The following ORC6 variants were observed in gnomAD, a reference collection of about 807,000 sequenced individuals.
ORC6 encodes the protein origin recognition complex, subunit 6 homolog-like (yeast).
ORC6 carries 31 observed loss-of-function variants against 30.0 expected under a neutral mutation model. That is an observed-to-expected ratio of 1.03 (90% CI 0.78 to 1.40). The LOEUF (loss-of-function observed/expected upper bound fraction) is 1.40. Ranked by LOEUF, ORC6 falls within the 40% of genes most tolerant of loss-of-function variation. The probability of loss-of-function intolerance (pLI) is 0.00; values close to 1 mark genes in which losing one functional copy is unlikely to be tolerated. For missense variants in ORC6, 340 were observed against 304.3 expected, an observed-to-expected ratio of 1.12 and a Z score of -0.87; for synonymous variants, 136 against 111.2, an observed-to-expected ratio of 1.22 and a Z score of -1.40.
Position 46,689,715 on chromosome 16 carries a change from G to C in ORC6, c.10G>C (p.Glu4Gln). 1.9e-6 allele frequency: 3 copies of C among 1,601,848 alleles called. No individual in the cohort carries two copies. The highest frequency in any genetic ancestry group is 2.6e-6 in the Non-Finnish European group (3 of 1,174,396). ...CTTTAGTGCCGGCGCCATGGGGTCGGAGCTGATCGGGCGCCTAGCCCCGCG... is the reference window on the plus strand; with the variant it reads ...CTTTAGTGCCGGCGCCATGGGGTCGCAGCTGATCGGGCGCCTAGCCCCGCG... MGS[E>Q]LIGRLAPRLG... The change falls in exon 1 of 7, where the codon GAG (glutamate) becomes CAG (glutamine). Residue 4 changes from glutamate to glutamine, a missense_variant. Coordinates refer to ENST00000219097, the MANE Select transcript of ORC6 (RefSeq NM_014321.4).
At chr16:46,693,362 T>C (rs1966471729) in intron 4 of ORC6, 180 bp downstream of exon 4, 4 of 614,304 alleles carry the variant, frequency 6.5e-6, no homozygotes, top group Non-Finnish European at 8.7e-6. Context: ...GCTAACAACT[T>C]GGAACTAGTG....
chr16:46,694,615 C>T (rs1368379989), intron 4 of ORC6: 1 of 28,264 alleles, frequency 3.5e-5, no homozygotes, highest in Non-Finnish European at 7.9e-5. Context: ...TAGGGGCGGC[C>T]GGGGCGGCTG....
chr16:46,697,354 T>G, intron 6 of ORC6, 104 bp from the exon 7 acceptor site: 1 of 1,072,820 alleles, frequency 9.3e-7, no homozygotes, highest in Non-Finnish European at 1.4e-6. Flanking sequence ...TCCATGTCAT[T>G]TCAGTATCTT....
intron 2 of ORC6, among the ~76,000 whole-genome samples, chr16:46,691,347 G>A (rs567524582): frequency 9.9e-5 from 15 of 152,136 alleles, no homozygotes; most frequent in Non-Finnish European, 2.2e-4. Flanking sequence ...CTCGGCTAGA[G>A]GCCATCTTCC....
At chr16:46,691,617 A>T (rs1966437941) in intron 2 of ORC6, among the ~76,000 whole-genome samples, 1 of 152,190 alleles carries the variant, frequency 6.6e-6, no homozygotes, top group African/African-American at 2.4e-5. Flanking sequence ...CCTGTGTCAT[A>T]ACGATACACT....
At chr16:46,697,205 G>C (rs1218470200) in intron 6 of ORC6, among the ~76,000 whole-genome samples, 1 of 152,136 alleles carries the variant, frequency 6.6e-6, no homozygotes, top group Non-Finnish European at 1.5e-5. Flanking sequence ...AGGTGTGATA[G>C]TGTGAGCCTA....
chr16:46,696,201 A>G lies in ORC6; in HGVS notation c.631+116A>G, dbSNP rs556248604. On this transcript the variant is annotated intron_variant, in intron 6 of 6. Transcript: ENST00000219097. ...TTTAAGTACATTCTGACTGTGAATC[A>G]TTTGATAAGACCAGTTTTCCAAGCA... 7.9e-5 allele frequency: 59 copies of G among 745,040 alleles called. 1 individual carries two copies. In the East Asian group the frequency reaches 1.4e-3, roughly 18 times the overall value. 46.2% of individuals were successfully genotyped at this position (745,040 alleles called of 1,614,324 possible). A position where few individuals can be genotyped will look rare whatever the true frequency, so the allele number is the denominator to read the frequency against.
Position 46,697,705 on chromosome 16 carries a change from TTAAA to T in ORC6, c.*123_*126del, listed in dbSNP as rs950139245. ...AATAAGGATCCTAAGACTGTTGCCTTTAAATAGCAAAGCAGCCTACCTGGAGGCT... is the reference window on the plus strand; with the variant it reads ...AATAAGGATCCTAAGACTGTTGCCTTTAGCAAAGCAGCCTACCTGGAGGCT... On this transcript the variant is annotated 3_prime_UTR_variant, in exon 7 of 7. Coordinates refer to ENST00000219097, the MANE Select transcript of ORC6 (RefSeq NM_014321.4). The T allele has an allele frequency of 8.7e-7, 1 of 1,148,520 alleles. No homozygotes were observed. The highest frequency in any genetic ancestry group is 1.5e-5 in the African/African-American group (1 of 65,242). 71.1% of individuals were successfully genotyped at this position (1,148,520 alleles called of 1,614,324 possible). A position where few individuals can be genotyped will look rare whatever the true frequency, so the allele number is the denominator to read the frequency against.
rs556608071 is a variant in ORC6, at chr16:46,691,064, A to G, written c.139A>G (p.Ser47Gly). ...CTCCGCACGCACCACGGAGACCAGC[A>G]GTGCAGTCATGTGCCTGGACCTTGC... ...GLSARTTETS[S>G]AVMCLDLAAS... Residue 47 changes from serine to glycine, a missense_variant, in exon 2 of 7, where the codon AGT becomes GGT. Coordinates refer to ENST00000219097, the MANE Select transcript of ORC6 (RefSeq NM_014321.4). 22 of 1,614,072 alleles carry G rather than the reference A, an allele frequency of 1.4e-5. No homozygotes were observed. Among genetic ancestry groups the G allele is most frequent in the South Asian group, 5.5e-5 (5 of 91,082 alleles).
chr16:46,692,541 A>G lies in ORC6; in HGVS notation c.355A>G (p.Lys119Glu). The part of the protein sequence containing the change: ...EAVNMASKIL[K>E]SYESSLPQTQ... Reference sequence around the variant, plus strand: ...AGTGAACATGGCTTCAAAGATACTAAAAAGGTATGGGGCATAGAGAACCTT... The same window carrying G: ...AGTGAACATGGCTTCAAAGATACTAGAAAGGTATGGGGCATAGAGAACCTT... Residue 119 changes from lysine (K) to glutamate (E), a missense_variant, in exon 3 of 7, where the codon AAA (lysine) becomes GAA (glutamate). Physicochemically the swap from Lys to Glu is moderately conservative, Grantham distance 56. Coordinates refer to ENST00000219097, the MANE Select transcript of ORC6 (RefSeq NM_014321.4). The G allele has an allele frequency of 6.2e-7, 1 of 1,613,014 alleles. No individual in the cohort carries two copies. Among genetic ancestry groups the G allele is most frequent in the Non-Finnish European group, 8.5e-7 (1 of 1,179,116 alleles).
chr16:46,693,185 A>T lies in ORC6; in HGVS notation c.449+3A>T. 6.3e-7 allele frequency: 1 copy of T among 1,596,438 alleles called. No homozygotes were observed. The highest frequency in any genetic ancestry group is 8.6e-7 in the Non-Finnish European group (1 of 1,164,018). ...GCTGCACTGCTTTCAGCATGCAAGT[A>T]GGTATTTCATTAAACATTCAGAAAA... On this transcript the variant is annotated splice_donor_region_variant and intron_variant, in intron 4 of 6. Coordinates refer to ENST00000219097, the MANE Select transcript of ORC6 (RefSeq NM_014321.4).
intron 1 of ORC6, 38 bp downstream of exon 1, chr16:46,689,808 C>T (rs764019478): frequency 9.0e-6 from 14 of 1,553,224 alleles, no homozygotes; most frequent in Non-Finnish European, 1.2e-5. Flanking sequence ...TGGGCTTCCG[C>T]CTCGCGGCCC....
rs760343162 is a variant in ORC6 at position 46,689,723 on chromosome 16, C to T, written c.18C>T (p.Ile6=). The T allele has an allele frequency of 8.1e-6, 13 of 1,602,102 alleles. No individual in the cohort carries two copies. The highest frequency in any genetic ancestry group is 1.7e-5 in the Admixed American group (1 of 58,714). ...CCGGCGCCATGGGGTCGGAGCTGATCGGGCGCCTAGCCCCGCGCCTGGGCC... is the reference window on the plus strand; with the variant it reads ...CCGGCGCCATGGGGTCGGAGCTGATTGGGCGCCTAGCCCCGCGCCTGGGCC... MGSEL[I]GRLAPRLGLA... is the part of the protein sequence containing the mutation. Residue 6 remains isoleucine, a synonymous_variant, in exon 1 of 7, where the codon ATC becomes ATT. Coordinates refer to ENST00000219097, the MANE Select transcript of ORC6 (RefSeq NM_014321.4).
rs1459109672 is a variant in ORC6, at chr16:46,689,886, G to T, written c.65+116G>T. 4.2e-6 allele frequency: 6 copies of T among 1,423,222 alleles called. No individual in the cohort carries two copies. The East Asian group carries it at 1.6e-4, about 37-fold the overall frequency. The allele number at this position is 1,423,222 out of a possible 1,614,324, so 88.2% of individuals were successfully genotyped here. On this transcript the variant is annotated intron_variant, in intron 1 of 6. Coordinates refer to ENST00000219097, the MANE Select transcript of ORC6 (RefSeq NM_014321.4). ...GGCGGGGGAGTGACGGGGAGCGCTG[G>T]GGCCGGGCGGGGTTTAGGGCCTACT...
chr16:46,697,841 G>A lies in ORC6; in HGVS notation c.*256G>A, dbSNP rs933482687. 16 of 547,812 alleles carry A rather than the reference G, an allele frequency of 2.9e-5. No homozygotes were observed. The highest frequency in any genetic ancestry group is 1.7e-4 in the East Asian group (4 of 22,892). 33.9% of individuals were successfully genotyped at this position (547,812 alleles called of 1,614,324 possible). On this transcript the variant is annotated 3_prime_UTR_variant, in exon 7 of 7. Coordinates refer to ENST00000219097, the MANE Select transcript of ORC6 (RefSeq NM_014321.4). ...TACAAAATGGAATTGGAGGCCGGGC[G>A]CAGTGGCTCACGCCTGTAATCCCAG...
intron 1 of ORC6, 150 bp from the exon 2 acceptor site, chr16:46,690,841 C>T: frequency 1.3e-6 from 1 of 764,352 alleles, no homozygotes; most frequent in African/African-American, 1.7e-5. Flanking sequence ...TTCCTCTCAC[C>T]AGAGGATATG....
At chr16:46,696,134 A>T (rs771612541) in intron 6 of ORC6, 49 bp downstream of exon 6, 2 of 1,285,186 alleles carry the variant, frequency 1.6e-6, no homozygotes, top group African/African-American at 2.9e-5. Context: ...TGCAGTGAAC[A>T]GCCCAGTGCT....
At chr16:46,689,840 C>T (rs1426324675) in intron 1 of ORC6, 70 bp downstream of exon 1, 2 of 1,485,860 alleles carry the variant, frequency 1.3e-6, no homozygotes, top group African/African-American at 1.4e-5. Flanking sequence ...GTGAGGCCCG[C>T]GCCCTTCCCA....
At chr16:46,693,291 C>A in intron 4 of ORC6, 109 bp downstream of exon 4, 1 of 743,908 alleles carries the variant, frequency 1.3e-6, no homozygotes, top group South Asian at 1.4e-5. Flanking sequence ...ATATTTTCCC[C>A]TAGAAATAAT....
Sources: gnomAD v4.1 joint callset for allele counts (sites outside exome capture counted in the v4.1 genomes callset) on GRCh38, gnomAD v4.1.1 for gene constraint, MANE v1.5 for transcripts, NCBI Gene and HGNC (gene_info 2026-07-23, HGNC 2026-07-21) for gene names.